Variants in RGS3 observed in about 807,000 individuals in gnomAD.
RGS3 encodes regulator of G protein signaling 3.
Under a neutral mutation model 132.6 loss-of-function variants are expected in RGS3, and 80 were observed. That is an observed-to-expected ratio of 0.60 (90% confidence interval 0.50 to 0.73). The LOEUF is 0.73. RGS3 is among the 30% of genes least tolerant of loss of function. The probability of loss-of-function intolerance (pLI) is 0.00; values close to 1 mark genes in which losing one functional copy is unlikely to be tolerated. For synonymous variants in RGS3, 598 were observed against 620.6 expected (o/e 0.96, Z 0.54); for missense variants, 1,382 against 1,530.8 (o/e 0.90, Z 1.62).
At chr9:113,519,743 T>G (rs754969375) in intron 16 of RGS3, among the ~76,000 whole-genome samples, 6 of 152,078 alleles carry the variant, frequency 3.9e-5, no homozygotes, top group Admixed American at 1.3e-4. Context: ...ACAGAAATCT[T>G]TATTTGTGGA....
rs910731808 is a variant in RGS3 at position 113,537,113 on chromosome 9, C to G, written c.2037+195C>G. Among the ~76,000 whole-genome samples the G allele has an allele frequency of 3.9e-5, 6 of 152,240 alleles. No individual in the cohort carries two copies. Among genetic ancestry groups the G allele is most frequent in the African/African-American group, 1.4e-4 (6 of 41,462 alleles). ...ATGTCATTGGGTCTGCTGAGTGGGT[C>G]TGACAGTGCTCGTGTAGAGCGACAG... On this transcript the variant is annotated intron_variant, in intron 19 of 24. Transcript: ENST00000350696. The surrounding 1 kb of genome is among the most constrained non-coding windows in gnomAD (Gnocchi z 4.3).
At chr9:113,578,048 G>T (rs1834614395) in intron 19 of RGS3, among the ~76,000 whole-genome samples, 1 of 152,228 alleles carries the variant, frequency 6.6e-6, no homozygotes, top group African/African-American at 2.4e-5. Flanking sequence ...AAGCGGTCAG[G>T]GCTGGCAGAG....
At chr9:113,538,432 T>G (rs1252535378) in intron 19 of RGS3, among the ~76,000 whole-genome samples, 1 of 152,198 alleles carries the variant, frequency 6.6e-6, no homozygotes, top group Non-Finnish European at 1.5e-5. Context: ...TGCCCCAGTT[T>G]TTTTTCCTTT....
At chr9:113,515,580 G>A (rs1429253388) in intron 15 of RGS3, among the ~76,000 whole-genome samples, 2 of 151,382 alleles carry the variant, frequency 1.3e-5, no homozygotes, top group Non-Finnish European at 2.9e-5. Context: ...GCAGTGAGCC[G>A]AGATCACACC....
chr9:113,520,542 G>GTTTTTTTT (rs768805637), intron 16 of RGS3, among the ~76,000 whole-genome samples: 3 of 127,428 alleles, frequency 2.4e-5, no homozygotes, highest in African/African-American at 8.8e-5. Context: ...GGCCTGGGCT[G>GTTTTTTTT]TTTTTTTTTT....
At chr9:113,497,465 A>G (rs1830726017) in intron 9 of RGS3, 61 bp downstream of exon 7, 6 of 1,389,780 alleles carry the variant, frequency 4.3e-6, no homozygotes, top group Non-Finnish European at 6.0e-6. Context: ...CCTTTCCTGC[A>G]TAGCGGCATC....
In RGS3 at chr9:113,463,600, C is replaced by A; in HGVS notation, c.415+1399C>A. ...GGCGGCGCCGCCTCCCCCACCCCGG[C>A]CCAGCTCTGCTCCGGCAGGTGGAAC... On this transcript the variant is annotated intron_variant, in intron 3 of 24. Coordinates refer to ENST00000350696, the Ensembl canonical transcript of RGS3. This position sits in a 1 kb window ranked among gnomAD's most constrained non-coding sequence, Gnocchi z 4.6. 1 of 1,070,382 alleles carries A rather than the reference C, an allele frequency of 9.3e-7. No homozygotes were observed. The highest frequency in any genetic ancestry group is 1.2e-6 in the Non-Finnish European group (1 of 812,580). 66.3% of individuals were successfully genotyped at this position (1,070,382 alleles called of 1,614,324 possible).
intron 16 of RGS3, among the ~76,000 whole-genome samples, chr9:113,521,753 G>C (rs952823864): frequency 6.6e-6 from 1 of 152,170 alleles, no homozygotes; most frequent in Non-Finnish European, 1.5e-5. Context: ...CTGTAGGATA[G>C]AGTCTCAGAA....
chr9:113,517,383 A>G (rs1831731168), intron 15 of RGS3, 158 bp from the exon 14 acceptor site: 2 of 704,504 alleles, frequency 2.8e-6, no homozygotes, highest in Non-Finnish European at 2.6e-6. Context: ...CATCTTATGT[A>G]TGAGGGGGTG....
chr9:113,563,536 A>G (rs182764392), intron 19 of RGS3, among the ~76,000 whole-genome samples: 30 of 152,286 alleles, frequency 2.0e-4, no homozygotes, highest in Admixed American at 1.8e-3. Flanking sequence ...TAGCTCCATC[A>G]GAATTGGCCA....
At chr9:113,500,841 C>T (rs1397655279) in intron 10 of RGS3, among the ~76,000 whole-genome samples, 1 of 152,070 alleles carries the variant, frequency 6.6e-6, no homozygotes, top group Admixed American at 6.5e-5. Flanking sequence ...GCGCCTGCCA[C>T]CACGCCCAGC....
intron 19 of RGS3, among the ~76,000 whole-genome samples, chr9:113,552,233 C>T (rs1390976162): frequency 6.6e-6 from 1 of 152,034 alleles, no homozygotes. Context: ...TTATTTGCTC[C>T]AATTCTTATG....
chr9:113,523,563 C>T (rs1013592446), intron 17 of RGS3, among the ~76,000 whole-genome samples: 1 of 152,196 alleles, frequency 6.6e-6, no homozygotes, highest in Non-Finnish European at 1.5e-5. Context: ...CTCTACTCAG[C>T]TGCATGGCCC....
chr9:113,529,093 CTGCCTCTCTCT>C (rs1031286655), intron 17 of RGS3, 117 bp from the exon 16 acceptor site: 12 of 751,188 alleles, frequency 1.6e-5, no homozygotes, highest in Non-Finnish European at 2.9e-5. Flanking sequence ...CCTCCCATGC[CTGCCTCTCTCT>C]TTTCCCAGGA....
At position 113,585,864 on chromosome 9, in the gene RGS3, AG is replaced by A. The variant is rs1407216808; in HGVS notation, c.3015+1438del. 3.3e-5 allele frequency among the ~76,000 whole-genome samples: 5 copies of A among 152,350 alleles called. No individual in the cohort carries two copies. In the East Asian group the frequency reaches 5.8e-4, roughly 18 times the overall value. On this transcript the variant is annotated intron_variant, in intron 20 of 24. Coordinates refer to ENST00000350696, the Ensembl canonical transcript of RGS3. The stretch of plus-strand genomic sequence containing the variant: ...GGGGAGATGCCTTCTGCTGAAAGCT[AG>A]TCATTCTGACAGGGCAGGCTGGGGC...
At chr9:113,512,204 T>G (rs1831435210) in intron 14 of RGS3, among the ~76,000 whole-genome samples, 1 of 152,176 alleles carries the variant, frequency 6.6e-6, no homozygotes, top group Admixed American at 6.5e-5. Flanking sequence ...CTCGGGTGTC[T>G]TATCCAACTC....
chr9:113,452,136 C>T (rs1276293130), intron 1 of RGS3, among the ~76,000 whole-genome samples: 1 of 152,024 alleles, frequency 6.6e-6, no homozygotes, highest in Non-Finnish European at 1.5e-5. Flanking sequence ...GTAGCTAGGA[C>T]TACAGGCATG....
chr9:113,589,368 T>C (rs1835292475), intron 20 of RGS3, among the ~76,000 whole-genome samples: 1 of 152,168 alleles, frequency 6.6e-6, no homozygotes, highest in Non-Finnish European at 1.5e-5. Context: ...CAGGCTCTTT[T>C]TGGTGCTGGG....
chr9:113,445,351 A>G (rs1172486725), intron 1 of RGS3, among the ~76,000 whole-genome samples: 1 of 151,698 alleles, frequency 6.6e-6, no homozygotes, highest in Non-Finnish European at 1.5e-5. Context: ...GGTGCCCACC[A>G]CCATGCCTGG....
Sources: gnomAD v4.1 joint callset for allele counts (sites outside exome capture counted in the v4.1 genomes callset) on GRCh38, gnomAD v4.1.1 for gene constraint, Gnocchi (gnomAD v3.1) non-coding constraint, MANE v1.5 for transcripts, NCBI Gene and HGNC (gene_info 2026-07-23, HGNC 2026-07-21) for gene names.